The following RHOD variants were observed in gnomAD, a reference collection of about 807,000 sequenced individuals.
RHOD encodes the protein ras homolog family member D.
A neutral mutation model predicts 16.7 loss-of-function variants in RHOD; 11 were observed. The ratio of observed to expected loss-of-function variants is 0.66; its 90% CI spans 0.41 to 1.09. The LOEUF (loss-of-function observed/expected upper bound fraction) is 1.09. Ranked by LOEUF, RHOD falls within the 50% of genes least tolerant of loss-of-function variation. The pLI, the probability that RHOD is intolerant of heterozygous loss-of-function variation, is 0.00. For synonymous variants in RHOD, 124 were observed against 126.3 expected (o/e 0.98, Z 0.12); for missense variants, 271 against 291.7 (o/e 0.93, Z 0.52).
intron 2 of RHOD, 133 bp downstream of exon 2, chr11:67,066,116 G>C: frequency 1.4e-6 from 1 of 735,916 alleles, no homozygotes; most frequent in South Asian, 1.8e-5. Flanking sequence ...GGCCAGGAGT[G>C]GGCCCAGGAG....
At chr11:67,068,038 A>ATCCGCCCGCCTCGGCCTCCC (rs1322280805) in intron 3 of RHOD, among the ~76,000 whole-genome samples, 4 of 152,106 alleles carry the variant, frequency 2.6e-5, no homozygotes, top group African/African-American at 9.7e-5. Flanking sequence ...TGACCTCGTG[A>ATCCGCCCGCCTCGGCCTCCC]TCCGCCCGCC....
At chr11:67,066,012 G>GGGGGT in intron 2 of RHOD, 29 bp downstream of exon 2, 3 of 581,424 alleles carry the variant, frequency 5.2e-6, no homozygotes, top group Non-Finnish European at 1.0e-5. Context: ...GGCAGGGTGG[G>GGGGGT]AGGGGCTTCT....
intron 1 of RHOD, 94 bp downstream of exon 1, chr11:67,057,128 G>A (rs1046867666): frequency 3.1e-5 from 41 of 1,305,136 alleles, no homozygotes; most frequent in Non-Finnish European, 3.9e-5. Flanking sequence ...CGCCTAACCC[G>A]GCCTCCGAGG....
chr11:67,071,581 G>C lies in RHOD; in HGVS notation c.612G>C (p.Gln204His). Residue 204 changes from glutamine (Q) to histidine (H), a missense_variant, in exon 5 of 5, where the codon CAG (glutamine) becomes CAC (histidine). Transcript: ENST00000308831. ...GCAACTTCTGGCGGCGGATTACCCA[G>C]GGCTTTTGCGTGGTGACCTGAGCGG... ...RGRNFWRRITQGFCVVT is the reference protein window; with the variant it reads ...RGRNFWRRITHGFCVVT 6.2e-7 allele frequency: 1 copy of C among 1,608,688 alleles called. No individual in the cohort carries two copies. Among genetic ancestry groups the C allele is most frequent in the Non-Finnish European group, 8.5e-7 (1 of 1,177,508 alleles).
At chr11:67,063,507 T>TAAAAA (rs1565351377) in intron 1 of RHOD, among the ~76,000 whole-genome samples, 2 of 101,980 alleles carry the variant, frequency 2.0e-5, no homozygotes, top group East Asian at 2.8e-4. Context: ...TTTTTTTTTT[T>TAAAAA]TAAAAAAAGG....
intron 1 of RHOD, among the ~76,000 whole-genome samples, chr11:67,064,154 C>T: frequency 6.9e-6 from 1 of 145,940 alleles, no homozygotes; most frequent in South Asian, 2.2e-4. Context: ...CGCCTGTAAT[C>T]CCAGCACTTT....
rs1855029992 is a variant in RHOD, at chr11:67,071,520, A to C, written c.551A>C (p.Gln184Pro). ...CATGACAACGTCCACGCCGTCTTCCAGGAGGCCGCCGAGGTGGCCCTCAGC... is the reference window on the plus strand; with the variant it reads ...CATGACAACGTCCACGCCGTCTTCCCGGAGGCCGCCGAGGTGGCCCTCAGC... ...RLHDNVHAVF[Q>P]EAAEVALSSR... The change falls in exon 5 of 5, where the codon CAG becomes CCG. Residue 184 changes from glutamine to proline, a missense_variant. Gln to Pro is a moderately conservative substitution (Grantham distance 76, BLOSUM62 -1). Transcript: ENST00000308831. The C allele has an allele frequency of 6.2e-7, 1 of 1,611,836 alleles. No individual in the cohort carries two copies. Among genetic ancestry groups the C allele is most frequent in the African/African-American group, 1.3e-5 (1 of 74,906 alleles).
At chr11:67,059,573 T>C (rs1003749783) in intron 1 of RHOD, among the ~76,000 whole-genome samples, 5 of 149,642 alleles carry the variant, frequency 3.3e-5, no homozygotes, top group African/African-American at 1.2e-4. Flanking sequence ...TATATATATA[T>C]GTAATTAAAT....
In RHOD at chr11:67,065,902, A is replaced by AC; in HGVS notation, c.144dup (p.Thr49HisfsTer4). 1 of 1,522,318 alleles carries AC rather than the reference A, an allele frequency of 6.6e-7. No individual in the cohort carries two copies. Among genetic ancestry groups the AC allele is most frequent in the Non-Finnish European group, 8.9e-7 (1 of 1,122,256 alleles). 94.3% of individuals were successfully genotyped at this position (1,522,318 alleles called of 1,614,324 possible). A position where few individuals can be genotyped will look rare whatever the true frequency, so the allele number is the denominator to read the frequency against. On this transcript the variant is annotated frameshift_variant, in exon 2 of 5. Coordinates refer to ENST00000308831, the MANE Select transcript of RHOD (RefSeq NM_014578.4). LOFTEE classifies it high-confidence loss of function. Reference sequence around the variant, plus strand: ...CCGCCCTGCTTCTCCTCAGAGCTACACCCCCACGGTGTTTGAGCGGTACAT... The same window carrying AC: ...CCGCCCTGCTTCTCCTCAGAGCTACACCCCCCACGGTGTTTGAGCGGTACAT...
chr11:67,069,150 G>C lies in RHOD; in HGVS notation c.331-1275G>C, dbSNP rs983814569. Among the ~76,000 whole-genome samples, 11 of 151,006 alleles carry C rather than the reference G, an allele frequency of 7.3e-5. No homozygotes were observed. In the East Asian group the frequency reaches 2.2e-3, roughly 31 times the overall value. On this transcript the variant is annotated intron_variant, in intron 3 of 4. Coordinates refer to ENST00000308831, the MANE Select transcript of RHOD (RefSeq NM_014578.4). ...GCCCGGCTGATGCCAATTTTTATCA[G>C]GCAAGTTTCATGCCCAAACCAGCCG...
intron 1 of RHOD, among the ~76,000 whole-genome samples, chr11:67,059,196 C>T (rs531700533): frequency 2.6e-4 from 40 of 152,284 alleles, no homozygotes; most frequent in African/African-American, 7.7e-4. Flanking sequence ...AGGCTCCTCC[C>T]GTCTGGGGGC....
Position 67,056,935 on chromosome 11 carries a change from G to A in RHOD, c.33G>A (p.Ala11=). 2 of 1,479,558 alleles carry A rather than the reference G, an allele frequency of 1.4e-6. No individual in the cohort carries two copies. The highest frequency in any genetic ancestry group is 2.3e-4 in the Middle Eastern group (1 of 4,380). 91.7% of individuals were successfully genotyped at this position (1,479,558 alleles called of 1,614,324 possible). ...CGGCCCAGGCCGCGGGTGAGGAGGC[G>A]CCACCAGGCGTGCGGTCCGTCAAGG... MTAAQAAGEE[A]PPGVRSVKVV... is the part of the protein sequence containing the mutation. The change falls in exon 1 of 5, where the codon GCG becomes GCA. Residue 11 remains alanine, a synonymous_variant. Coordinates refer to ENST00000308831, the MANE Select transcript of RHOD (RefSeq NM_014578.4).
chr11:67,064,105 CAAAAA>C (rs1280364068), intron 1 of RHOD, among the ~76,000 whole-genome samples: 1 of 45,584 alleles, frequency 2.2e-5, no homozygotes, highest in Admixed American at 2.7e-4. Context: ...GACTCCGTCT[CAAAAA>C]AAAAAAAAAA....
chr11:67,066,884 G>A (rs1012106947), intron 3 of RHOD, 37 bp downstream of exon 3: 2 of 1,369,540 alleles, frequency 1.5e-6, no homozygotes, highest in Non-Finnish European at 1.0e-6. Flanking sequence ...AGCCCCCATA[G>A]CCAGGCCACT....
Position 67,061,790 on chromosome 11 carries a change from G to A in RHOD, c.133-4106G>A, listed in dbSNP as rs182074878. Among the ~76,000 whole-genome samples the A allele has an allele frequency of 3.7e-3, 509 of 138,492 alleles. 6 individuals carry two copies. Among genetic ancestry groups the A allele is most frequent in the African/African-American group, 0.012 (449 of 36,770 alleles). 90.9% of individuals were successfully genotyped at this position (138,492 alleles called of 152,430 possible). ...TATATATATATGTGTGTGTGTGTGT[G>A]TATATATATATATGTGTGTGTATAT... On this transcript the variant is annotated intron_variant, in intron 1 of 4. Coordinates refer to ENST00000308831, the MANE Select transcript of RHOD (RefSeq NM_014578.4).
At chr11:67,070,357 C>G (rs775339466) in intron 3 of RHOD, 68 bp from the exon 4 acceptor site, 24 of 1,536,276 alleles carry the variant, frequency 1.6e-5, no homozygotes, top group Non-Finnish European at 2.2e-5. Context: ...AGAGAGTGGT[C>G]CACTGAGAGG....
In RHOD at chr11:67,066,808, T is replaced by A; in HGVS notation, c.291T>A (p.Asp97Glu). ...CCAGCGTCCTGCTGCTTTGCTTCGA[T>A]GTCACCAGCCCGAACAGCTTTGACA... is the stretch of plus-strand genomic sequence containing the variant. ...PDASVLLLCF[D>E]VTSPNSFDNI... is the part of the protein sequence containing the mutation. The change falls in exon 3 of 5, where the codon GAT (aspartate) becomes GAA (glutamate). Residue 97 changes from aspartate (D) to glutamate (E), a missense_variant. Asp to Glu is a conservative substitution (Grantham distance 45). Transcript: ENST00000308831. 1 of 1,614,066 alleles carries A rather than the reference T, an allele frequency of 6.2e-7. No homozygotes were observed. The highest frequency in any genetic ancestry group is 2.2e-5 in the East Asian group (1 of 44,868).
rs1020394600 is a variant in RHOD at position 67,071,649 on chromosome 11, C to T, written c.*47C>T. 3 of 1,513,054 alleles carry T rather than the reference C, an allele frequency of 2.0e-6. No individual in the cohort carries two copies. Among genetic ancestry groups the T allele is most frequent in the Non-Finnish European group, 2.7e-6 (3 of 1,125,976 alleles). 93.7% of individuals were successfully genotyped at this position (1,513,054 alleles called of 1,614,324 possible). A position where few individuals can be genotyped will look rare whatever the true frequency, so the allele number is the denominator to read the frequency against. On this transcript the variant is annotated 3_prime_UTR_variant, in exon 5 of 5. Coordinates refer to ENST00000308831, the MANE Select transcript of RHOD (RefSeq NM_014578.4). ...ACGCGGGAAGGGGCAGGGCGCTGAC[C>T]TGCTGCTGAGCTGGCTGGGCTGGAC...
At chr11:67,071,260 A>G (rs1855025669) in intron 4 of RHOD, among the ~76,000 whole-genome samples, 175 bp from the exon 5 acceptor site, 1 of 152,114 alleles carries the variant, frequency 6.6e-6, no homozygotes, top group Non-Finnish European at 1.5e-5. Context: ...AATAAAAATA[A>G]AGAAAAGAAA....
Sources: allele counts gnomAD v4.1 joint callset (sites outside exome capture counted in the v4.1 genomes callset), GRCh38; gene constraint gnomAD v4.1.1; transcripts MANE v1.5; gene names NCBI Gene and HGNC (gene_info 2026-07-23, HGNC 2026-07-21).